Variants in SORCS1 observed in about 807,000 individuals in gnomAD.
The protein encoded by SORCS1 is VPS10 domain-containing receptor SorCS1.
Under a neutral mutation model 146.1 loss-of-function variants are expected in SORCS1, and 60 were observed. The observed-to-expected ratio is 0.41, with a 90% CI of 0.33 to 0.51. The LOEUF is 0.51. SORCS1 is among the 20% of genes least tolerant of loss of function. SORCS1 has a pLI of 0.21. For missense variants in SORCS1, 1,352 were observed against 1,487.6 expected (o/e 0.91, Z 1.50); for synonymous variants, 637 against 584.0 (o/e 1.09, Z -1.31).
intron 3 of SORCS1, among the ~76,000 whole-genome samples, chr10:106,778,993 T>C (rs1311379968): frequency 3.3e-5 from 5 of 152,206 alleles, no homozygotes; most frequent in Non-Finnish European, 7.3e-5. Context: ...CTCCACGTGA[T>C]CAGACTGCAT....
chr10:106,933,595 A>G (rs185237002), intron 2 of SORCS1, among the ~76,000 whole-genome samples: 2 of 152,312 alleles, frequency 1.3e-5, no homozygotes, highest in East Asian at 3.9e-4. Context: ...GGAGTCCAAT[A>G]GTGAAACACA....
intron 2 of SORCS1, among the ~76,000 whole-genome samples, chr10:106,950,590 C>T (rs116186762): frequency 1.7e-3 from 260 of 151,842 alleles, no homozygotes; most frequent in Non-Finnish European, 2.9e-3. Context: ...GGTGTTTGTA[C>T]GTGTGTGTGT....
At chr10:106,872,092 A>C (rs1950429425) in intron 2 of SORCS1, among the ~76,000 whole-genome samples, 1 of 152,256 alleles carries the variant, frequency 6.6e-6, no homozygotes, top group South Asian at 2.1e-4. Context: ...AACAATAAAC[A>C]AACATATAAG....
chr10:106,901,340 C>T lies in SORCS1; in HGVS notation c.626+55173G>A, dbSNP rs74152273. On this transcript the variant is annotated intron_variant, in intron 2 of 25. Transcript: ENST00000263054. ...GCAAACCAGACATGGTAGAAAGCTA[C>T]GTAAGAGACAGAAATTTATCTACAA... 9.9e-3 allele frequency among the ~76,000 whole-genome samples: 1,512 copies of T among 152,152 alleles called. 35 individuals carry two copies. The highest frequency in any genetic ancestry group is 0.035 in the African/African-American group (1,454 of 41,500).
chr10:107,015,981 TAAAAC>T (rs5787702), intron 1 of SORCS1, among the ~76,000 whole-genome samples: 56,344 of 151,602 alleles, frequency 0.37, 11,629 homozygotes, highest in East Asian at 0.65. Context: ...CCTATTGAAA[TAAAAC>T]AAATGTTTAA....
intron 1 of SORCS1, among the ~76,000 whole-genome samples, chr10:107,008,602 G>A (rs12572368): frequency 0.26 from 39,440 of 152,108 alleles, 5,358 homozygotes; most frequent in Middle Eastern, 0.34. Context: ...ATTTGATAAT[G>A]TATTTCAGAG....
chr10:106,980,271 T>C (rs1353836124), intron 1 of SORCS1, among the ~76,000 whole-genome samples: 2 of 152,228 alleles, frequency 1.3e-5, no homozygotes, highest in African/African-American at 4.8e-5. Context: ...GTAATAATTG[T>C]ATGCCTGTGA....
In SORCS1 at chr10:106,861,545, A is replaced by G. The variant is rs1478948520; in HGVS notation, c.627-31872T>C. Among the ~76,000 whole-genome samples the G allele has an allele frequency of 3.9e-5, 6 of 152,216 alleles. No individual in the cohort carries two copies. The East Asian group carries it at 1.2e-3, about 29-fold the overall frequency. Reference sequence around the variant, plus strand: ...ATTCTAGAAGGACAAGCTACGAAACATATAGCAGTGACAATGGAATTTACT... The same window carrying G: ...ATTCTAGAAGGACAAGCTACGAAACGTATAGCAGTGACAATGGAATTTACT... On this transcript the variant is annotated intron_variant, in intron 2 of 25. Coordinates refer to ENST00000263054, the MANE Select transcript of SORCS1 (RefSeq NM_052918.5).
intron 5 of SORCS1, among the ~76,000 whole-genome samples, chr10:106,757,341 C>A (rs907751957): frequency 6.6e-6 from 1 of 152,066 alleles, no homozygotes; most frequent in Admixed American, 6.5e-5. Flanking sequence ...CTCCCTCAGT[C>A]CCATACACAC....
At position 106,862,714 on chromosome 10, in the gene SORCS1, G is replaced by A. The variant is rs182417183; in HGVS notation, c.627-33041C>T. Among the ~76,000 whole-genome samples the A allele has an allele frequency of 8.8e-3, 1,221 of 139,034 alleles. 20 individuals are homozygous for A. The highest frequency in any genetic ancestry group is 0.032 in the African/African-American group (1,167 of 36,476). The allele number at this position is 139,034 out of a possible 152,430, so 91.2% of individuals were successfully genotyped here. A position where few individuals can be genotyped will look rare whatever the true frequency, so the allele number is the denominator to read the frequency against. The stretch of plus-strand genomic sequence containing the variant: ...TAATCCCAGCACTTTGGGAGGCCGA[G>A]ACAGGCGGATCATGAGGTCAGGAGA... On this transcript the variant is annotated intron_variant, in intron 2 of 25. Transcript: ENST00000263054.
At chr10:107,144,739 T>C (rs1325459064) in intron 1 of SORCS1, among the ~76,000 whole-genome samples, 2 of 152,196 alleles carry the variant, frequency 1.3e-5, no homozygotes, top group Non-Finnish European at 2.9e-5. Context: ...CTCCTTGACA[T>C]TCCTCTCCCC....
rs3802553 is a variant in SORCS1, at chr10:106,629,353, A to G, written c.2511T>C (p.Phe837=). The part of the protein sequence containing the change: ...DVQRTLIQVD[F]GDGIAVSYVN... Reference sequence around the variant, plus strand: ...CGTAAGACACCGCGATACCATCGCCAAAGTCCACTTGGATGAGTGTCCGCT... The same window carrying G: ...CGTAAGACACCGCGATACCATCGCCGAAGTCCACTTGGATGAGTGTCCGCT... The change falls in exon 19 of 26, where the codon TTT becomes TTC. Residue 837 remains phenylalanine (F), a synonymous_variant. Transcript: ENST00000263054. The G allele has an allele frequency of 0.1, 160,858 of 1,613,990 alleles. 11,979 individuals carry two copies. Among genetic ancestry groups the G allele is most frequent in the East Asian group, 0.3 (13,345 of 44,828 alleles).
At chr10:107,149,539 A>G (rs1968598906) in intron 1 of SORCS1, among the ~76,000 whole-genome samples, 1 of 152,212 alleles carries the variant, frequency 6.6e-6, no homozygotes, top group Non-Finnish European at 1.5e-5. Context: ...AAAAAATCCC[A>G]TCACCATTGT....
intron 3 of SORCS1, among the ~76,000 whole-genome samples, chr10:106,780,541 G>A (rs1860808126): frequency 6.6e-6 from 1 of 152,140 alleles, no homozygotes; most frequent in South Asian, 2.1e-4. Flanking sequence ...ACATACTGTT[G>A]TAAATGAATA....
intron 18 of SORCS1, among the ~76,000 whole-genome samples, chr10:106,646,798 C>T (rs1299912315): frequency 6.6e-6 from 1 of 151,638 alleles, no homozygotes; most frequent in Admixed American, 6.6e-5. Context: ...TTCATGTATT[C>T]CCATATGGAT....
At chr10:106,645,717 T>C (rs1056314408) in intron 18 of SORCS1, among the ~76,000 whole-genome samples, 2 of 131,406 alleles carry the variant, frequency 1.5e-5, no homozygotes, top group Non-Finnish European at 3.4e-5. Flanking sequence ...ATTAAAATTA[T>C]GTTTATTTTG....
intron 19 of SORCS1, among the ~76,000 whole-genome samples, chr10:106,623,445 C>T (rs1847879448): frequency 6.6e-6 from 1 of 152,026 alleles, no homozygotes; most frequent in Non-Finnish European, 1.5e-5. Context: ...AGGGTTTCAC[C>T]ATGTTGGCCA....
At chr10:106,782,898 C>T (rs1303420576) in intron 3 of SORCS1, among the ~76,000 whole-genome samples, 2 of 152,212 alleles carry the variant, frequency 1.3e-5, no homozygotes, top group African/African-American at 4.8e-5. Context: ...ATAACCTAAT[C>T]CTAAACCTGG....
intron 24 of SORCS1, among the ~76,000 whole-genome samples, chr10:106,587,529 A>G (rs542324960): frequency 2.6e-5 from 4 of 152,264 alleles, no homozygotes; most frequent in Non-Finnish European, 4.4e-5. Flanking sequence ...TTCATGATGT[A>G]TCACGACCTA....
Sources: allele counts gnomAD v4.1 joint callset (sites outside exome capture counted in the v4.1 genomes callset), GRCh38; gene constraint gnomAD v4.1.1; transcripts MANE v1.5; gene names NCBI Gene and HGNC (gene_info 2026-07-23, HGNC 2026-07-21).